ATP12A: variants seen among roughly 807,000 people sequenced by gnomAD.
The protein encoded by ATP12A is ATPase H+/K+ transporting non-gastric alpha2 subunit.
ATP12A carries 81 observed loss-of-function variants against 111.2 expected under a neutral mutation model. The observed-to-expected ratio is 0.73, with a 90% CI of 0.61 to 0.88. ATP12A has a LOEUF of 0.88. Among genes scored for constraint, ATP12A ranks in the 40% least tolerant of loss-of-function variants. ATP12A has a pLI of 0.00. For missense variants in ATP12A, 1,196 were observed against 1,313.1 expected (o/e 0.91, Z 1.38); for synonymous variants, 498 against 499.8 (o/e 1.00, Z 0.05).
rs367668954 is a variant in ATP12A at position 24,698,858 on chromosome 13, C to T, written c.1705+8C>T. Reference sequence around the variant, plus strand: ...TGGGCGAGCGTGTGCTGGGTGAGTGCGGCGGCAGGGCCCTGCCCATCACCT... The same window carrying T: ...TGGGCGAGCGTGTGCTGGGTGAGTGTGGCGGCAGGGCCCTGCCCATCACCT... On this transcript the variant is annotated splice_region_variant and intron_variant, in intron 12 of 22. Coordinates refer to ENST00000381946, the MANE Select transcript of ATP12A (RefSeq NM_001676.7). 1.5e-5 allele frequency: 24 copies of T among 1,612,364 alleles called. No homozygotes were observed. The highest frequency in any genetic ancestry group is 1.3e-4 in the African/African-American group (10 of 74,906).
intron 11 of ATP12A, among the ~76,000 whole-genome samples, chr13:24,698,338 G>A (rs1005756246): frequency 1.3e-5 from 2 of 152,052 alleles, no homozygotes; most frequent in Admixed American, 6.6e-5. Flanking sequence ...GCAGAGGCTC[G>A]CAGCCCCCTA....
At chr13:24,701,172 C>A (rs1875377321) in intron 13 of ATP12A, among the ~76,000 whole-genome samples, 2 of 152,138 alleles carry the variant, frequency 1.3e-5, no homozygotes, top group Non-Finnish European at 1.5e-5. Context: ...CTTGAAGTGA[C>A]CATATCTCGC....
chr13:24,692,649 G>C, intron 9 of ATP12A, 22 bp downstream of exon 9: 1 of 1,606,614 alleles, frequency 6.2e-7, no homozygotes, highest in East Asian at 2.2e-5. Context: ...GGAGAGCTCG[G>C]TCTGGCCAAA....
intron 7 of ATP12A, 64 bp downstream of exon 7, chr13:24,690,785 A>G: frequency 2.6e-6 from 4 of 1,511,660 alleles, no homozygotes; most frequent in South Asian, 1.2e-5. Flanking sequence ...CTGGGCTCTC[A>G]GGTCTGTCCT....
chr13:24,689,426 A>G (rs747841998), intron 5 of ATP12A, 51 bp downstream of exon 5: 9 of 1,509,556 alleles, frequency 6.0e-6, no homozygotes, highest in Non-Finnish European at 7.4e-6. Flanking sequence ...CAGGTGAGGA[A>G]GCCTCAGCTG....
At chr13:24,701,669 C>T (rs12583810) in intron 13 of ATP12A, among the ~76,000 whole-genome samples, 5,286 of 152,260 alleles carry the variant, frequency 0.035, 163 homozygotes, top group African/African-American at 0.083. Context: ...AGACACTCAC[C>T]AGCCCTTTCA....
chr13:24,688,201 T>G (rs1874737182), intron 3 of ATP12A, 118 bp from the exon 4 acceptor site: 2 of 1,143,274 alleles, frequency 1.7e-6, no homozygotes, highest in South Asian at 3.4e-5. Context: ...GGACCTTCTT[T>G]GGCCACGTTA....
At chr13:24,694,638 A>C in intron 11 of ATP12A, 60 bp downstream of exon 11, 1 of 1,607,066 alleles carries the variant, frequency 6.2e-7, no homozygotes, top group Non-Finnish European at 8.5e-7. Context: ...TTCTACTTGC[A>C]TGCATCCTTT....
At chr13:24,692,398 T>C (rs1397845535) in intron 8 of ATP12A, 31 bp from the exon 9 acceptor site, 2 of 1,607,480 alleles carry the variant, frequency 1.2e-6, no homozygotes, top group South Asian at 1.1e-5. Flanking sequence ...AATGAGGATT[T>C]TTCCCAAAGC....
chr13:24,692,853 G>A lies in ATP12A; in HGVS notation c.1334G>A (p.Arg445Gln), dbSNP rs769564297. The A allele has an allele frequency of 9.3e-6, 15 of 1,614,160 alleles. No homozygotes were observed. Among genetic ancestry groups the A allele is most frequent in the East Asian group, 4.5e-5 (2 of 44,882 alleles). Reference sequence around the variant, plus strand: ...TCCAAGATAATAACATTGTGTAACCGAGCAGAGTTCAAGCCAGGACAGGAA... The same window carrying A: ...TCCAAGATAATAACATTGTGTAACCAAGCAGAGTTCAAGCCAGGACAGGAA... The part of the protein sequence containing the change: ...SLSKIITLCN[R>Q]AEFKPGQENV... Residue 445 changes from arginine (R) to glutamine (Q), a missense_variant, in exon 10 of 23, where the codon CGA becomes CAA. Coordinates refer to ENST00000381946, the MANE Select transcript of ATP12A (RefSeq NM_001676.7).
chr13:24,707,493 G>T (rs573858707), intron 17 of ATP12A, 60 bp downstream of exon 17: 4 of 1,603,298 alleles, frequency 2.5e-6, no homozygotes, highest in Non-Finnish European at 3.4e-6. Context: ...CAAGTTCAGG[G>T]TCGCTACCTT....
chr13:24,704,983 T>C (rs1875561579), intron 14 of ATP12A, among the ~76,000 whole-genome samples: 1 of 151,910 alleles, frequency 6.6e-6, no homozygotes, highest in South Asian at 2.1e-4. Context: ...CACCCCTTCT[T>C]TCTTCTCTTA....
rs1403222515 is a variant in ATP12A, at chr13:24,691,076, C to A, written c.894C>A (p.Pro298=). Residue 298 remains proline (P), a synonymous_variant, in exon 8 of 23, where the codon CCC becomes CCA. Transcript: ENST00000381946. ...LASGVGNEKT[P]IAIEIEHFVH... ...CAGGAGTTGGAAATGAGAAGACGCC[C>A]ATTGCCATTGAGATCGAGCACTTTG... 11 of 1,614,232 alleles carry A rather than the reference C, an allele frequency of 6.8e-6. No individual in the cohort carries two copies. Among genetic ancestry groups the A allele is most frequent in the Non-Finnish European group, 8.5e-6 (10 of 1,180,048 alleles).
chr13:24,687,987 C>G (rs1199946631), intron 3 of ATP12A, among the ~76,000 whole-genome samples: 1 of 152,134 alleles, frequency 6.6e-6, no homozygotes, highest in African/African-American at 2.4e-5. Context: ...CAGGTCCCTT[C>G]GACAGGTTAC....
At chr13:24,706,886 TC>T in intron 15 of ATP12A, 136 bp from the exon 16 acceptor site, 1 of 940,290 alleles carries the variant, frequency 1.1e-6, no homozygotes, top group Non-Finnish European at 1.5e-6. Context: ...CTTTATCTTT[TC>T]CCCTAAATGG....
At chr13:24,681,953 ATGTGTGGTGTGTGGTGTATGG>A (rs1874458309) in intron 2 of ATP12A, among the ~76,000 whole-genome samples, 1 of 73,324 alleles carries the variant, frequency 1.4e-5, no homozygotes, top group East Asian at 4.0e-4. Flanking sequence ...GTGTGTGTGT[ATGTGTGGTGTGTGGTGTATGG>A]TGTGTGGTGT....
At chr13:24,704,655 G>C in intron 14 of ATP12A, 1 of 193,138 alleles carries the variant, frequency 5.2e-6, no homozygotes, top group Non-Finnish European at 1.1e-5. Flanking sequence ...GCTTGTAGCA[G>C]ACTCCAGAAT....
intron 2 of ATP12A, among the ~76,000 whole-genome samples, chr13:24,684,057 A>G (rs1203821026): frequency 6.6e-6 from 1 of 152,052 alleles, no homozygotes; most frequent in African/African-American, 2.4e-5. Flanking sequence ...GATAACCACC[A>G]CCACCTCGTC....
intron 14 of ATP12A, among the ~76,000 whole-genome samples, chr13:24,703,361 G>A (rs1009982808): frequency 6.6e-6 from 1 of 152,190 alleles, no homozygotes; most frequent in African/African-American, 2.4e-5. Context: ...TCCTGCCTCA[G>A]CCTCCTGAAT....
Sources: gnomAD v4.1 joint callset for allele counts (sites outside exome capture counted in the v4.1 genomes callset) on GRCh38, gnomAD v4.1.1 for gene constraint, MANE v1.5 for transcripts, NCBI Gene and HGNC (gene_info 2026-07-23, HGNC 2026-07-21) for gene names.